Variants in PATJ observed in about 807,000 individuals in gnomAD.
PATJ encodes inaD-like protein.
PATJ carries 190 observed loss-of-function variants against 224.9 expected under a neutral mutation model. The observed-to-expected ratio is 0.84, with a 90% CI of 0.75 to 0.95. The LOEUF (loss-of-function observed/expected upper bound fraction) is 0.95. Ranked by LOEUF, PATJ falls within the 40% of genes least tolerant of loss-of-function variation. The probability of loss-of-function intolerance (pLI) is 0.00; values close to 1 mark genes in which losing one functional copy is unlikely to be tolerated. For missense variants in PATJ, 2,121 were observed against 2,270.3 expected, an observed-to-expected ratio of 0.93 and a Z score of 1.34; for synonymous variants, 769 against 820.3, an observed-to-expected ratio of 0.94 and a Z score of 1.07.
At chr1:61,968,558 AT>A (rs907925135) in intron 27 of PATJ, among the ~76,000 whole-genome samples, 12 of 152,070 alleles carry the variant, frequency 7.9e-5, no homozygotes, top group African/African-American at 2.9e-4. Context: ...TTTTTAATGT[AT>A]TTTTTTAATT....
At chr1:61,947,455 C>A (rs1678918684) in intron 27 of PATJ, among the ~76,000 whole-genome samples, 1 of 143,938 alleles carries the variant, frequency 6.9e-6, no homozygotes, top group South Asian at 2.1e-4. Context: ...GAGTGAACTC[C>A]CCTTCACAAT....
At chr1:62,009,034 A>G (rs944458338) in intron 28 of PATJ, among the ~76,000 whole-genome samples, 4 of 152,176 alleles carry the variant, frequency 2.6e-5, no homozygotes, top group Non-Finnish European at 5.9e-5. Flanking sequence ...TGGGAAAGGC[A>G]CTTAGTTTCT....
At chr1:61,958,780 G>A (rs1680798954) in intron 27 of PATJ, among the ~76,000 whole-genome samples, 1 of 152,168 alleles carries the variant, frequency 6.6e-6, no homozygotes, top group Non-Finnish European at 1.5e-5. Context: ...TGACCAAGTT[G>A]TCAAGTCATT....
At chr1:62,068,438 C>T (rs1215900416) in intron 31 of PATJ, among the ~76,000 whole-genome samples, 1 of 152,212 alleles carries the variant, frequency 6.6e-6, no homozygotes, top group Admixed American at 6.5e-5. Context: ...GTTTATCTGA[C>T]TTTCCTCCTG....
chr1:62,078,505 C>G (rs1005693497), intron 31 of PATJ, among the ~76,000 whole-genome samples: 4 of 151,980 alleles, frequency 2.6e-5, no homozygotes, highest in Admixed American at 6.6e-5. Flanking sequence ...AGGCTGGTCT[C>G]GAACTCCTGA....
chr1:61,768,128 G>C (rs903337779), intron 4 of PATJ, among the ~76,000 whole-genome samples: 3 of 152,004 alleles, frequency 2.0e-5, no homozygotes, highest in Non-Finnish European at 4.4e-5. Context: ...GGTAGAACCC[G>C]TGTAAATGGT....
At chr1:61,858,406 C>T (rs1032769635) in intron 18 of PATJ, among the ~76,000 whole-genome samples, 25 of 152,094 alleles carry the variant, frequency 1.6e-4, no homozygotes, top group African/African-American at 4.8e-4. Flanking sequence ...GGACTTCAGG[C>T]GCTCACCACC....
chr1:61,783,363 G>A (rs1008320174), intron 7 of PATJ, among the ~76,000 whole-genome samples: 2 of 150,030 alleles, frequency 1.3e-5, no homozygotes, highest in Non-Finnish European at 3.0e-5. Context: ...ACATAGTTAT[G>A]ATTTCATTGT....
chr1:61,788,757 C>T (rs1039454545), intron 8 of PATJ, among the ~76,000 whole-genome samples: 2 of 152,186 alleles, frequency 1.3e-5, no homozygotes, highest in African/African-American at 4.8e-5. Flanking sequence ...TCACTGCAAC[C>T]TCTGCCTCCC....
intron 16 of PATJ, chr1:61,833,382 G>A (rs558217189): frequency 3.9e-6 from 1 of 254,344 alleles, no homozygotes. Flanking sequence ...TAAGAGGTCA[G>A]TGTTAATACT....
At chr1:61,755,981 T>A (rs916847160) in intron 1 of PATJ, among the ~76,000 whole-genome samples, 4 of 152,148 alleles carry the variant, frequency 2.6e-5, no homozygotes, top group African/African-American at 9.7e-5. Flanking sequence ...TTTGTATTTT[T>A]AGTAGAGACG....
intron 6 of PATJ, among the ~76,000 whole-genome samples, chr1:61,773,315 C>T (rs957282757): frequency 6.6e-6 from 1 of 152,060 alleles, no homozygotes; most frequent in Non-Finnish European, 1.5e-5. Flanking sequence ...AGTCACTGCA[C>T]CCGGCCCTCC....
At chr1:62,037,937 T>A in intron 29 of PATJ, 40 bp from the exon 30 acceptor site, 1 of 1,348,174 alleles carries the variant, frequency 7.4e-7, no homozygotes, top group Non-Finnish European at 1.0e-6. Flanking sequence ...GAACTTAGCA[T>A]TTACTGTGTA....
chr1:61,808,614 C>T lies in PATJ; in HGVS notation c.1683+84C>T, dbSNP rs188086617. 3.0e-4 allele frequency: 250 copies of T among 827,944 alleles called. No individual in the cohort carries two copies. In the African/African-American group the frequency reaches 4.0e-3, roughly 13 times the overall value. 51.3% of individuals were successfully genotyped at this position (827,944 alleles called of 1,614,324 possible). ...CTATGTTGTCCAGGTTGGTCTCAAA[C>T]TCATAGGCTAAAGTGATCCTCCCGT... On this transcript the variant is annotated intron_variant, in intron 14 of 43. Transcript: ENST00000642238.
intron 27 of PATJ, among the ~76,000 whole-genome samples, chr1:61,949,594 C>T (rs1177337150): frequency 2.0e-5 from 3 of 152,170 alleles, no homozygotes; most frequent in Non-Finnish European, 4.4e-5. Context: ...GAAGAGAGAT[C>T]AGGTTGTAAA....
At chr1:61,980,051 C>T (rs545786100) in intron 27 of PATJ, among the ~76,000 whole-genome samples, 1 of 152,148 alleles carries the variant, frequency 6.6e-6, no homozygotes, top group African/African-American at 2.4e-5. Context: ...GTGAGAGTTA[C>T]CTTCCTGCCT....
intron 31 of PATJ, among the ~76,000 whole-genome samples, chr1:62,074,297 T>A (rs544264158): frequency 6.6e-6 from 1 of 151,894 alleles, no homozygotes; most frequent in African/African-American, 2.4e-5. Flanking sequence ...ACATGGCACA[T>A]GTATACATAT....
chr1:61,789,304 A>T (rs933704910), intron 8 of PATJ, among the ~76,000 whole-genome samples: 64 of 149,710 alleles, frequency 4.3e-4, no homozygotes, highest in Admixed American at 1.8e-3. Context: ...AGACTCTATT[A>T]AAAAAATAAA....
chr1:61,914,625 C>A lies in PATJ; in HGVS notation c.3531C>A (p.Thr1177=). The A allele has an allele frequency of 6.3e-7, 1 of 1,583,284 alleles. No homozygotes were observed. The highest frequency in any genetic ancestry group is 8.7e-7 in the Non-Finnish European group (1 of 1,152,798). The change falls in exon 26 of 44, where the codon ACC becomes ACA. Residue 1177 remains threonine, a synonymous_variant. Coordinates refer to ENST00000642238, the MANE Select transcript of PATJ (RefSeq NM_001350145.3). ...PNVHNKANKI[T]GNQNQDTQEK... ...TACATAACAAGGCCAACAAAATCACCGGTAACCAGAACCAGGACACCCAAG... is the reference window on the plus strand; with the variant it reads ...TACATAACAAGGCCAACAAAATCACAGGTAACCAGAACCAGGACACCCAAG...
Sources: gnomAD v4.1 joint callset for allele counts (sites outside exome capture counted in the v4.1 genomes callset) on GRCh38, gnomAD v4.1.1 for gene constraint, MANE v1.5 for transcripts, NCBI Gene and HGNC (gene_info 2026-07-23, HGNC 2026-07-21) for gene names.